Variants in FHIP1A observed in about 807,000 individuals in gnomAD.
FHIP1A encodes FHF complex subunit HOOK interacting protein 1A.
Under a neutral mutation model 88.6 loss-of-function variants are expected in FHIP1A, and 61 were observed. That is an observed-to-expected ratio of 0.69 (90% CI 0.56 to 0.85). The LOEUF is 0.85. Among genes scored for constraint, FHIP1A ranks in the 40% least tolerant of loss-of-function variants. The pLI is 0.00. For synonymous variants in FHIP1A, 478 were observed against 496.0 expected (o/e 0.96, Z 0.48); for missense variants, 1,154 against 1,273.5 (o/e 0.91, Z 1.43).
At chr4:151,473,323 AAAATTTATTTTAAG>A in intron 2 of FHIP1A, among the ~76,000 whole-genome samples, 1 of 151,946 alleles carries the variant, frequency 6.6e-6, no homozygotes, top group Non-Finnish European at 1.5e-5. Context: ...TCTTTTTTTT[AAAATTTATTTTAAG>A]ACTCTAGCTT....
At chr4:151,541,570 T>C (rs1235784687) in intron 3 of FHIP1A, among the ~76,000 whole-genome samples, 3 of 152,188 alleles carry the variant, frequency 2.0e-5, no homozygotes, top group Non-Finnish European at 2.9e-5. Flanking sequence ...AGGATAGGCT[T>C]TTATGCAACA....
chr4:151,472,555 T>C (rs540090276), intron 2 of FHIP1A, among the ~76,000 whole-genome samples: 6 of 151,746 alleles, frequency 4.0e-5, no homozygotes, highest in Admixed American at 2.6e-4. Context: ...TTGCCAAGGA[T>C]GTTTATTACA....
intron 1 of FHIP1A, among the ~76,000 whole-genome samples, chr4:151,422,806 C>T (rs1050028692): frequency 1.1e-4 from 16 of 152,090 alleles, no homozygotes; most frequent in African/African-American, 3.9e-4. Context: ...GAGATACAAG[C>T]GTGGAATTGA....
intron 1 of FHIP1A, among the ~76,000 whole-genome samples, chr4:151,447,655 A>G (rs1444447197): frequency 6.6e-6 from 1 of 152,084 alleles, no homozygotes; most frequent in Non-Finnish European, 1.5e-5. Context: ...AACCCCCAAT[A>G]CCTCAGAATG....
chr4:151,540,588 C>T (rs1418843975), intron 3 of FHIP1A, among the ~76,000 whole-genome samples: 1 of 152,110 alleles, frequency 6.6e-6, no homozygotes, highest in African/African-American at 2.4e-5. Flanking sequence ...GTTCAGAATA[C>T]TCTACAGCAG....
At chr4:151,500,438 CAAA>C (rs34481805) in intron 3 of FHIP1A, among the ~76,000 whole-genome samples, 17 of 106,688 alleles carry the variant, frequency 1.6e-4, no homozygotes, top group Admixed American at 7.0e-4. Context: ...CAGCCATTCT[CAAA>C]AAAAAAAAAA....
chr4:151,651,373 G>T (rs1218157536), intron 11 of FHIP1A, among the ~76,000 whole-genome samples: 1 of 152,190 alleles, frequency 6.6e-6, no homozygotes, highest in Non-Finnish European at 1.5e-5. Flanking sequence ...GGTGCAGAGG[G>T]AATCGCCATA....
intron 8 of FHIP1A, among the ~76,000 whole-genome samples, chr4:151,636,704 C>T (rs1026392882): frequency 6.6e-6 from 1 of 151,800 alleles, no homozygotes; most frequent in African/African-American, 2.4e-5. Context: ...GGGAAAACAC[C>T]CAATGTTCAT....
intron 1 of FHIP1A, among the ~76,000 whole-genome samples, chr4:151,420,967 A>G (rs1161317083): frequency 1.3e-5 from 2 of 152,206 alleles, no homozygotes; most frequent in Admixed American, 6.5e-5. Context: ...AAACTTTTAT[A>G]TCATCCTTAA....
intron 7 of FHIP1A, among the ~76,000 whole-genome samples, chr4:151,614,417 G>A (rs748586788): frequency 1.9e-4 from 29 of 151,264 alleles, no homozygotes; most frequent in Non-Finnish European, 3.5e-4. Context: ...TACAGTAAGC[G>A]GTGATCACGC....
intron 1 of FHIP1A, among the ~76,000 whole-genome samples, chr4:151,450,464 T>C (rs182587267): frequency 6.6e-6 from 1 of 152,336 alleles, no homozygotes; most frequent in East Asian, 1.9e-4. Flanking sequence ...ATCTATCCTC[T>C]TCTAATGTAA....
At chr4:151,564,409 G>A (rs544608715) in intron 3 of FHIP1A, among the ~76,000 whole-genome samples, 8 of 151,658 alleles carry the variant, frequency 5.3e-5, no homozygotes, top group African/African-American at 2.0e-4. Flanking sequence ...TTTAAAACAA[G>A]GCTGTAAATG....
intron 3 of FHIP1A, among the ~76,000 whole-genome samples, chr4:151,551,665 C>T (rs889171723): frequency 5.9e-5 from 9 of 152,264 alleles, no homozygotes; most frequent in Admixed American, 4.6e-4. Flanking sequence ...CTTCCTTACA[C>T]CTTATACAAA....
intron 3 of FHIP1A, among the ~76,000 whole-genome samples, chr4:151,528,650 A>G (rs1212558217): frequency 6.6e-6 from 1 of 152,036 alleles, no homozygotes; most frequent in Non-Finnish European, 1.5e-5. Flanking sequence ...TAAATTATGT[A>G]TTTGGATGGG....
At chr4:151,641,326 T>C (rs1736579987) in intron 9 of FHIP1A, among the ~76,000 whole-genome samples, 1 of 152,252 alleles carries the variant, frequency 6.6e-6, no homozygotes, top group African/African-American at 2.4e-5. Context: ...TCTGCACTGC[T>C]GATGTGACTC....
At chr4:151,416,485 CT>C (rs1420122822) in intron 1 of FHIP1A, among the ~76,000 whole-genome samples, 3 of 152,196 alleles carry the variant, frequency 2.0e-5, no homozygotes, top group East Asian at 1.9e-4. Context: ...TACATACCCC[CT>C]ATATTTATAT....
chr4:151,580,975 A>G (rs1176197650), intron 5 of FHIP1A, among the ~76,000 whole-genome samples: 1 of 152,182 alleles, frequency 6.6e-6, no homozygotes, highest in African/African-American at 2.4e-5. Flanking sequence ...CTCATGCCTC[A>G]GTCTCCCAAA....
At chr4:151,617,372 G>A (rs557798855) in intron 7 of FHIP1A, among the ~76,000 whole-genome samples, 1 of 151,930 alleles carries the variant, frequency 6.6e-6, no homozygotes, top group African/African-American at 2.4e-5. Context: ...AACCTATCAT[G>A]GTCCCTGTGA....
chr4:151,416,850 T>C (rs1203174020), intron 1 of FHIP1A, among the ~76,000 whole-genome samples: 1 of 152,106 alleles, frequency 6.6e-6, no homozygotes, highest in Non-Finnish European at 1.5e-5. Context: ...CTAGTGCAAT[T>C]TGGGCTCATT....
Sources: gnomAD v4.1 joint callset for allele counts (sites outside exome capture counted in the v4.1 genomes callset) on GRCh38, gnomAD v4.1.1 for gene constraint, MANE v1.5 for transcripts, NCBI Gene and HGNC (gene_info 2026-07-23, HGNC 2026-07-21) for gene names.